Variants in CENPP observed in about 807,000 individuals in gnomAD.
CENPP encodes the protein centromere protein P.
Under a neutral mutation model 35.6 loss-of-function variants are expected in CENPP, and 24 were observed. The observed-to-expected ratio is 0.67, with a 90% confidence interval of 0.49 to 0.95. The LOEUF is 0.95. Among genes scored for constraint, CENPP ranks in the 40% least tolerant of loss-of-function variants. CENPP has a pLI of 0.00. For synonymous variants in CENPP, 120 were observed against 125.5 expected (o/e 0.96, Z 0.29); for missense variants, 332 against 345.3 (o/e 0.96, Z 0.31).
At chr9:92,551,925 G>GTATATATATATATATA (rs143120429) in intron 5 of CENPP, among the ~76,000 whole-genome samples, 7 of 84,566 alleles carry the variant, frequency 8.3e-5, no homozygotes, top group Non-Finnish European at 1.5e-4. Flanking sequence ...TGGTGTGTGT[G>GTATATATATATATATA]TATATATATA....
intron 4 of CENPP, among the ~76,000 whole-genome samples, chr9:92,373,287 C>G (rs868054544): frequency 6.6e-6 from 1 of 151,854 alleles, no homozygotes; most frequent in African/African-American, 2.4e-5. Flanking sequence ...TATATATTAA[C>G]GACTGGGCTA....
chr9:92,585,737 C>G (rs1850524413), intron 5 of CENPP, among the ~76,000 whole-genome samples: 1 of 152,194 alleles, frequency 6.6e-6, no homozygotes, highest in Non-Finnish European at 1.5e-5. Flanking sequence ...CTTGCAACGA[C>G]TGGGCAAGTG....
rs1157668732 is a variant in CENPP at position 92,393,116 on chromosome 9, T to G, written c.564+13257T>G. 1.6e-5 allele frequency: 26 copies of G among 1,613,716 alleles called. No individual in the cohort carries two copies. Among genetic ancestry groups the G allele is most frequent in the Non-Finnish European group, 2.0e-5 (24 of 1,179,870 alleles). ...TCTGCAAAATCTTTGGCAGTCAGCT[T>G]TTTAATTTTGTTGAATCGTGCGTAA... On this transcript the variant is annotated intron_variant, in intron 5 of 7. Transcript: ENST00000375587.
At chr9:92,580,410 C>T (rs556348626) in intron 5 of CENPP, among the ~76,000 whole-genome samples, 44 of 152,168 alleles carry the variant, frequency 2.9e-4, no homozygotes, top group African/African-American at 9.4e-4. Context: ...TGGTAGAATT[C>T]GGCTGTGAAT....
chr9:92,557,735 C>G (rs1849757966), intron 5 of CENPP, among the ~76,000 whole-genome samples: 1 of 152,110 alleles, frequency 6.6e-6, no homozygotes, highest in South Asian at 2.1e-4. Flanking sequence ...CTCTGCCTCC[C>G]AGGTTCAAGT....
intron 5 of CENPP, chr9:92,514,571 A>AG (rs1847565376): frequency 8.6e-6 from 13 of 1,518,882 alleles, no homozygotes; most frequent in Non-Finnish European, 9.7e-6. Flanking sequence ...CACCGTGCCC[A>AG]GCTGCTAAGA....
intron 5 of CENPP, among the ~76,000 whole-genome samples, chr9:92,406,790 A>T (rs570829996): frequency 6.6e-6 from 1 of 152,238 alleles, no homozygotes; most frequent in South Asian, 2.1e-4. Flanking sequence ...GTTCCTTGCC[A>T]TGTGACTTCC....
At chr9:92,421,030 C>A (rs1236183052) in intron 5 of CENPP, among the ~76,000 whole-genome samples, 1 of 152,060 alleles carries the variant, frequency 6.6e-6, no homozygotes, top group African/African-American at 2.4e-5. Flanking sequence ...CTATTAAATC[C>A]AGATCTGAAG....
intron 5 of CENPP, among the ~76,000 whole-genome samples, chr9:92,572,811 ACTTCT>A (rs1426759921): frequency 2.0e-5 from 3 of 151,794 alleles, no homozygotes; most frequent in South Asian, 2.1e-4. Context: ...TTTTCTCTAA[ACTTCT>A]CTTCTCACTT....
chr9:92,601,003 CCCTT>C (rs765993026), intron 5 of CENPP, among the ~76,000 whole-genome samples: 1 of 152,094 alleles, frequency 6.6e-6, no homozygotes, highest in African/African-American at 2.4e-5. Flanking sequence ...TTGCTGTGCT[CCCTT>C]GTTTTTTACC....
At chr9:92,542,246 GTTAT>G (rs965391548) in intron 5 of CENPP, among the ~76,000 whole-genome samples, 5 of 152,056 alleles carry the variant, frequency 3.3e-5, no homozygotes, top group Admixed American at 3.3e-4. Flanking sequence ...TCTTGATTGG[GTTAT>G]TTGTTTTCTT....
At chr9:92,610,377 TG>T (rs1395503413) in intron 5 of CENPP, among the ~76,000 whole-genome samples, 1 of 147,436 alleles carries the variant, frequency 6.8e-6, no homozygotes, top group Admixed American at 7.0e-5. Flanking sequence ...TTTTAAGAAC[TG>T]AGAGAACAGG....
At chr9:92,585,752 G>C (rs1479488182) in intron 5 of CENPP, among the ~76,000 whole-genome samples, 1 of 152,212 alleles carries the variant, frequency 6.6e-6, no homozygotes, top group Non-Finnish European at 1.5e-5. Flanking sequence ...CAAGTGCTTG[G>C]TGAGGAGAAG....
chr9:92,499,367 T>A (rs1193956542), intron 5 of CENPP, among the ~76,000 whole-genome samples: 3 of 152,100 alleles, frequency 2.0e-5, no homozygotes, highest in African/African-American at 4.8e-5. Flanking sequence ...GAGCAAAAAA[T>A]TTTTTACAGA....
intron 6 of CENPP, 21 bp downstream of exon 6, chr9:92,611,414 G>A (rs374065466): frequency 3.6e-5 from 57 of 1,596,656 alleles, no homozygotes; most frequent in Non-Finnish European, 4.6e-5. Context: ...ACAGGCCATG[G>A]GGCCTCCCAT....
At chr9:92,443,113 AT>A (rs1221673149) in intron 5 of CENPP, among the ~76,000 whole-genome samples, 1 of 152,158 alleles carries the variant, frequency 6.6e-6, no homozygotes, top group Admixed American at 6.5e-5. Context: ...GAAAAAAGGA[AT>A]AAAAACTAAC....
At chr9:92,421,587 G>C (rs1359454043) in intron 5 of CENPP, among the ~76,000 whole-genome samples, 1 of 152,196 alleles carries the variant, frequency 6.6e-6, no homozygotes, top group Non-Finnish European at 1.5e-5. Context: ...TATTCACCTA[G>C]TGTACTCTAC....
At chr9:92,552,487 C>T (rs7027998) in intron 5 of CENPP, among the ~76,000 whole-genome samples, 39,491 of 151,886 alleles carry the variant, frequency 0.26, 7,474 homozygotes, top group African/African-American at 0.53. Flanking sequence ...CCCTGTTCAC[C>T]GCATCCATGC....
At chr9:92,379,568 G>T (rs1842199300) in intron 4 of CENPP, among the ~76,000 whole-genome samples, 195 bp from the exon 5 acceptor site, 1 of 152,118 alleles carries the variant, frequency 6.6e-6, no homozygotes, top group Non-Finnish European at 1.5e-5. Context: ...TGGGGAAAGG[G>T]GTATTCTAGG....
Sources: gnomAD v4.1 joint callset for allele counts (sites outside exome capture counted in the v4.1 genomes callset) on GRCh38, gnomAD v4.1.1 for gene constraint, MANE v1.5 for transcripts, NCBI Gene and HGNC (gene_info 2026-07-23, HGNC 2026-07-21) for gene names.